AUTS2: variants seen among roughly 807,000 people sequenced by gnomAD.
AUTS2 encodes autism susceptibility gene 2 protein.
In AUTS2, 17 loss-of-function variants were observed where a neutral mutation model predicts 112.4. That is an observed-to-expected ratio of 0.15 (90% CI 0.10 to 0.23). The LOEUF (loss-of-function observed/expected upper bound fraction) is 0.23, where lower values mean the gene tolerates loss of function less well. Among genes scored for constraint, AUTS2 ranks in the 10% least tolerant of loss-of-function variants. The pLI is 1.00. For synonymous variants in AUTS2, 751 were observed against 702.7 expected (o/e 1.07, Z -1.09); for missense variants, 1,510 against 1,701.6 (o/e 0.89, Z 1.98).
intron 5 of AUTS2, among the ~76,000 whole-genome samples, chr7:70,550,305 C>T (rs1800967643): frequency 1.3e-5 from 2 of 152,282 alleles, no homozygotes; most frequent in South Asian, 2.1e-4. Flanking sequence ...ATAATTATCC[C>T]TATGAAATTC....
intron 14 of AUTS2, 160 bp from the exon 15 acceptor site, chr7:70,781,455 A>G (rs1791073660): frequency 1.3e-6 from 1 of 790,946 alleles, no homozygotes; most frequent in Non-Finnish European, 1.9e-6. Context: ...CAGATCTGAC[A>G]TTTGAGGGTG....
chr7:70,625,212 C>T (rs1424842925), intron 5 of AUTS2, among the ~76,000 whole-genome samples: 1 of 152,156 alleles, frequency 6.6e-6, no homozygotes, highest in Non-Finnish European at 1.5e-5. Context: ...GGGGTCATCT[C>T]TGTTCTCTGC....
intron 5 of AUTS2, among the ~76,000 whole-genome samples, chr7:70,481,010 T>A (rs1230791801): frequency 2.0e-5 from 3 of 152,058 alleles, no homozygotes; most frequent in Non-Finnish European, 2.9e-5. Context: ...GGCTCTGAGA[T>A]GAGTTTAGTG....
intron 1 of AUTS2, among the ~76,000 whole-genome samples, chr7:69,723,839 G>A (rs569009954): frequency 2.0e-5 from 3 of 152,272 alleles, no homozygotes; most frequent in African/African-American, 7.2e-5. Context: ...ACACTCTAAC[G>A]GTAGTTTAGT....
intron 1 of AUTS2, among the ~76,000 whole-genome samples, chr7:69,756,708 C>G (rs1000044478): frequency 1.3e-5 from 2 of 151,900 alleles, no homozygotes; most frequent in Non-Finnish European, 2.9e-5. Flanking sequence ...TAGTAACTAC[C>G]AGTTTTTATC....
intron 4 of AUTS2, among the ~76,000 whole-genome samples, chr7:70,240,042 G>A (rs1426053289): frequency 6.6e-6 from 1 of 152,174 alleles, no homozygotes; most frequent in Admixed American, 6.5e-5. Context: ...ATAAGGAGGA[G>A]ATATGACTGG....
At chr7:70,682,779 G>A (rs1239184280) in intron 5 of AUTS2, among the ~76,000 whole-genome samples, 1 of 152,262 alleles carries the variant, frequency 6.6e-6, no homozygotes, top group African/African-American at 2.4e-5. Context: ...ATCTGCTAAG[G>A]CAAGTTCAGC....
chr7:70,721,993 C>T (rs1036723204), intron 6 of AUTS2, among the ~76,000 whole-genome samples: 1 of 152,030 alleles, frequency 6.6e-6, no homozygotes, highest in Non-Finnish European at 1.5e-5. Context: ...ATTGAACTTT[C>T]CTTGCTTGTT....
At chr7:70,376,229 C>T (rs760384017) in intron 4 of AUTS2, among the ~76,000 whole-genome samples, 10 of 152,126 alleles carry the variant, frequency 6.6e-5, no homozygotes, top group African/African-American at 1.4e-4. Flanking sequence ...TCTTGCAGTT[C>T]GCTTTACCTG....
chr7:70,133,720 T>C (rs925422512), intron 3 of AUTS2, among the ~76,000 whole-genome samples: 1 of 152,168 alleles, frequency 6.6e-6, no homozygotes, highest in African/African-American at 2.4e-5. Context: ...AAATAATTTA[T>C]AAAGAGAGGT....
chr7:69,984,758 C>A (rs1455725146), intron 2 of AUTS2, among the ~76,000 whole-genome samples: 2 of 152,104 alleles, frequency 1.3e-5, no homozygotes, highest in African/African-American at 4.8e-5. Flanking sequence ...CCTCTTCCTG[C>A]CTGTTAACAC....
intron 5 of AUTS2, among the ~76,000 whole-genome samples, chr7:70,543,393 G>C (rs886762272): frequency 6.6e-6 from 1 of 151,974 alleles, no homozygotes; most frequent in African/African-American, 2.4e-5. Context: ...GGGAGGGGTG[G>C]TGGCGGGCAC....
intron 1 of AUTS2, among the ~76,000 whole-genome samples, chr7:69,812,649 C>A (rs755575365): frequency 6.6e-6 from 1 of 152,140 alleles, no homozygotes; most frequent in Non-Finnish European, 1.5e-5. Flanking sequence ...TTGTTTATTG[C>A]TGGTCATTTA....
intron 4 of AUTS2, among the ~76,000 whole-genome samples, chr7:70,399,798 A>T (rs867405154): frequency 6.6e-6 from 1 of 152,178 alleles, no homozygotes; most frequent in Non-Finnish European, 1.5e-5. Flanking sequence ...AAAACTTGGG[A>T]TGGATTACAG....
At chr7:70,480,400 A>G (rs567190300) in intron 5 of AUTS2, among the ~76,000 whole-genome samples, 8 of 152,346 alleles carry the variant, frequency 5.3e-5, no homozygotes, top group South Asian at 4.1e-4. Context: ...GCTTTTGCCA[A>G]TCTACATGGC....
At chr7:70,778,208 C>T (rs1178510293) in intron 14 of AUTS2, among the ~76,000 whole-genome samples, 1 of 152,104 alleles carries the variant, frequency 6.6e-6, no homozygotes. Context: ...GCTTAGGGAA[C>T]AAAGTAACTG....
At chr7:70,001,213 C>T (rs1193181219) in intron 2 of AUTS2, among the ~76,000 whole-genome samples, 1 of 152,098 alleles carries the variant, frequency 6.6e-6, no homozygotes, top group Non-Finnish European at 1.5e-5. Context: ...GCAGCCTTGA[C>T]CTCTAGGGCT....
intron 4 of AUTS2, among the ~76,000 whole-genome samples, chr7:70,312,801 G>A (rs1377538003): frequency 1.3e-5 from 2 of 152,210 alleles, no homozygotes; most frequent in Non-Finnish European, 2.9e-5. Flanking sequence ...GTCACACGGG[G>A]CTGAAGGCAG....
At chr7:70,729,852 T>TTGTATGTATGTATGTA (rs56233310) in intron 6 of AUTS2, among the ~76,000 whole-genome samples, 93 of 148,864 alleles carry the variant, frequency 6.2e-4, no homozygotes, top group African/African-American at 1.8e-3. Context: ...TGTTTGCCCA[T>TTGTATGTATGTATGTA]TGTATGTATG....
Sources: allele counts gnomAD v4.1 joint callset (sites outside exome capture counted in the v4.1 genomes callset), GRCh38; gene constraint gnomAD v4.1.1; transcripts MANE v1.5; gene names NCBI Gene and HGNC (gene_info 2026-07-23, HGNC 2026-07-21).